Variants in AVPR1B observed in about 807,000 individuals in gnomAD.
AVPR1B encodes arginine vasopressin receptor 1B.
A neutral mutation model predicts 27.5 loss-of-function variants in AVPR1B; 25 were observed. The ratio of observed to expected loss-of-function variants is 0.91; its 90% confidence interval spans 0.66 to 1.27. The LOEUF is 1.27. Ranked by LOEUF, AVPR1B falls within the 50% of genes most tolerant of loss-of-function variation. The probability of loss-of-function intolerance (pLI) is 0.00; values close to 1 mark genes in which losing one functional copy is unlikely to be tolerated. For synonymous variants in AVPR1B, 248 were observed against 240.2 expected (o/e 1.03, Z -0.30); for missense variants, 595 against 556.9 (o/e 1.07, Z -0.69).
rs782749281 is a variant in AVPR1B, at chr1:206,116,675, G to A, written c.216C>T (p.Phe72=). The A allele has an allele frequency of 1.9e-6, 3 of 1,610,448 alleles. No individual in the cohort carries two copies. Among genetic ancestry groups the A allele is most frequent in the Non-Finnish European group, 2.5e-6 (3 of 1,178,174 alleles). The change falls in exon 1 of 2, where the codon TTC becomes TTT. Residue 72 remains phenylalanine, a synonymous_variant. Coordinates refer to ENST00000367126, the MANE Select transcript of AVPR1B (RefSeq NM_000707.5). The part of the protein sequence containing the change: ...LGRKRSRMHL[F]VLHLALTDLA... The stretch of plus-strand genomic sequence containing the variant: ...GGTCTGTCAGGGCTAAGTGCAGCAC[G>A]AACAGGTGCATGCGGGAGCGCTTGC...
At position 206,116,150 on chromosome 1, in the gene AVPR1B, C is replaced by A. The variant is rs782319213; in HGVS notation, c.741G>T (p.Trp247Cys). The A allele has an allele frequency of 6.2e-7, 1 of 1,613,986 alleles. No individual in the cohort carries two copies. The highest frequency in any genetic ancestry group is 1.1e-5 in the South Asian group (1 of 91,080). ...WRVGGGGWRT[W>C]DRPSPSTLAA... is the part of the protein sequence containing the mutation. ...CTAAGGTGGAAGGTGAGGGCCTGTC[C>A]CAAGTCCTCCAGCCCCCTCCTCCCA... The change falls in exon 1 of 2, where the codon TGG becomes TGT. Residue 247 changes from tryptophan to cysteine, a missense_variant. Physicochemically the swap from Trp to Cys is radical, Grantham distance 215 (BLOSUM62 -2). Coordinates refer to ENST00000367126, the MANE Select transcript of AVPR1B (RefSeq NM_000707.5).
rs781861331 is a variant in AVPR1B at position 206,110,318 on chromosome 1, G to A, written c.1146C>T (p.Arg382=). 33 of 1,613,354 alleles carry A rather than the reference G, an allele frequency of 2.0e-5. No individual in the cohort carries two copies. Among genetic ancestry groups the A allele is most frequent in the South Asian group, 5.5e-5 (5 of 91,046 alleles). ...LSSRHTTLLT[R]SSCPATLSLS... Reference sequence around the variant, plus strand: ...GGCTGAGGGTGGCCGGGCAGCTGGAGCGGGTCAGCAGCGTGGTGTGGCGGC... The same window carrying A: ...GGCTGAGGGTGGCCGGGCAGCTGGAACGGGTCAGCAGCGTGGTGTGGCGGC... The change falls in exon 2 of 2, where the codon CGC becomes CGT. Residue 382 remains arginine (R), a synonymous_variant. Coordinates refer to ENST00000367126, the MANE Select transcript of AVPR1B (RefSeq NM_000707.5).
At chr1:206,110,897 A>G (rs1472593478) in intron 1 of AVPR1B, among the ~76,000 whole-genome samples, 1 of 152,242 alleles carries the variant, frequency 6.6e-6, no homozygotes, top group African/African-American at 2.4e-5. Context: ...CTGTAGACCT[A>G]GAATGAGACA....
intron 1 of AVPR1B, among the ~76,000 whole-genome samples, chr1:206,115,328 G>T (rs1295201836): frequency 1.3e-5 from 2 of 152,162 alleles, no homozygotes; most frequent in Admixed American, 1.3e-4. Flanking sequence ...CTCCGAGAGT[G>T]TTACTGTGCT....
In AVPR1B at chr1:206,110,180, G is replaced by C. The variant is rs33976516; in HGVS notation, c.*9C>G. 0.039 allele frequency: 61,549 copies of C among 1,598,026 alleles called. 1,765 individuals carry two copies. The highest frequency in any genetic ancestry group is 0.13 in the African/African-American group (9,623 of 74,628). On this transcript the variant is annotated 3_prime_UTR_variant, in exon 2 of 2. Coordinates refer to ENST00000367126, the MANE Select transcript of AVPR1B (RefSeq NM_000707.5). ...CCTGGGGGCAGTACCAGACCCCAGC[G>C]AGTCTTTCCTAAAAGATGATGGTCT...
Position 206,116,365 on chromosome 1 carries a change from C to G in AVPR1B, c.526G>C (p.Glu176Gln), listed in dbSNP as rs782568048. ...AGCACCCCTGAGCCCTGGATCACCT[C>G]CCGCAGGGAAAAAATGAAGACTTGA... ...LPQVFIFSLR[E>Q]VIQGSGVLDC... The change falls in exon 1 of 2, where the codon GAG becomes CAG. Residue 176 changes from glutamate (E) to glutamine (Q), a missense_variant. Transcript: ENST00000367126. 4 of 1,613,644 alleles carry G rather than the reference C, an allele frequency of 2.5e-6. No homozygotes were observed. In the South Asian group the frequency reaches 4.4e-5, roughly 18 times the overall value.
intron 1 of AVPR1B, among the ~76,000 whole-genome samples, chr1:206,112,991 C>A (rs950015727): frequency 6.6e-6 from 1 of 152,128 alleles, no homozygotes; most frequent in African/African-American, 2.4e-5. Context: ...CTACAAGTTG[C>A]GGAAGATTTG....
chr1:206,111,334 C>G lies in AVPR1B; in HGVS notation c.941-811G>C, dbSNP rs1250317846. Among the ~76,000 whole-genome samples, 61 of 152,230 alleles carry G rather than the reference C, an allele frequency of 4.0e-4. 1 individual carries two copies. Among genetic ancestry groups the G allele is most frequent in the Non-Finnish European group, 1.5e-5 (1 of 68,040 alleles). ...GGATGCCAAGGCTATAAGATTCCTTCCAGACAAAATATTCTTTCTAAAGAC... is the reference window on the plus strand; with the variant it reads ...GGATGCCAAGGCTATAAGATTCCTTGCAGACAAAATATTCTTTCTAAAGAC... On this transcript the variant is annotated intron_variant, in intron 1 of 1. Coordinates refer to ENST00000367126, the MANE Select transcript of AVPR1B (RefSeq NM_000707.5).
chr1:206,114,113 G>A (rs1261525400), intron 1 of AVPR1B, among the ~76,000 whole-genome samples: 1 of 152,176 alleles, frequency 6.6e-6, no homozygotes, highest in African/African-American at 2.4e-5. Flanking sequence ...TTAAATTCAT[G>A]AATGGCTCTC....
Position 206,107,735 on chromosome 1 carries a change from C to T in AVPR1B, c.*2454G>A, listed in dbSNP as rs1663302826. Among the ~76,000 whole-genome samples the T allele has an allele frequency of 6.6e-6, 1 of 152,196 alleles. No homozygotes were observed. The highest frequency in any genetic ancestry group is 2.1e-4 in the South Asian group (1 of 4,834). On this transcript the variant is annotated 3_prime_UTR_variant, in exon 2 of 2. Transcript: ENST00000367126. ...AGAAAGTGCTTTAGTCAGCCTTGAT[C>T]CCAGGTCTGTCTCCTCTTTTCCTCT...
chr1:206,110,575 G>A (rs564037514), intron 1 of AVPR1B, 52 bp from the exon 2 acceptor site: 3 of 1,487,582 alleles, frequency 2.0e-6, no homozygotes, highest in South Asian at 2.6e-5. Flanking sequence ...GAAGGGACCT[G>A]GGAGAGCGTC....
At position 206,110,373 on chromosome 1, in the gene AVPR1B, C is replaced by A. The variant is rs28632197; in HGVS notation, c.1091G>T (p.Arg364Leu). 6.2e-7 allele frequency: 1 copy of A among 1,609,876 alleles called. No individual in the cohort carries two copies. The highest frequency in any genetic ancestry group is 8.5e-7 in the Non-Finnish European group (1 of 1,178,362). Reference protein sequence around the residue: ...ACCGGPQPRMRRRLSDGSLSS... With the variant: ...ACCGGPQPRMLRRLSDGSLSS... ...GAGGCTGCCGTCGGAGAGCCGCCGG[C>A]GCATCCTGGGCTGGGGACCCCCACA... The change falls in exon 2 of 2, where the codon CGC becomes CTC. Residue 364 changes from arginine to leucine, a missense_variant. Arg to Leu is a moderately radical substitution (Grantham distance 102). Transcript: ENST00000367126.
chr1:206,116,927 G>C lies in AVPR1B; in HGVS notation c.-37C>G. 18 of 1,553,122 alleles carry C rather than the reference G, an allele frequency of 1.2e-5. No homozygotes were observed. Among genetic ancestry groups the C allele is most frequent in the Non-Finnish European group, 1.5e-5 (17 of 1,140,716 alleles). On this transcript the variant is annotated 5_prime_UTR_variant, in exon 1 of 2. Transcript: ENST00000367126. ...GCTGGGAGGGAAGGATGAAGGGAGG[G>C]TGTGGATGCAAGTGGAGAGGTTTGA...
chr1:206,115,322 G>C (rs1293125495), intron 1 of AVPR1B, among the ~76,000 whole-genome samples: 1 of 152,044 alleles, frequency 6.6e-6, no homozygotes. Context: ...TCCCCTCTCC[G>C]AGAGTGTTAC....
Position 206,116,814 on chromosome 1 carries a change from C to A in AVPR1B, c.77G>T (p.Trp26Leu). The A allele has an allele frequency of 6.2e-7, 1 of 1,614,050 alleles. No homozygotes were observed. The highest frequency in any genetic ancestry group is 8.5e-7 in the Non-Finnish European group (1 of 1,179,992). Residue 26 changes from tryptophan (W) to leucine (L), a missense_variant, in exon 1 of 2, where the codon TGG becomes TTG. Physicochemically the swap from Trp to Leu is moderately conservative, Grantham distance 61. Coordinates refer to ENST00000367126, the MANE Select transcript of AVPR1B (RefSeq NM_000707.5). ...GGCCAGCTCCTCATCCCGGCCCAGC[C>A]AGGGTGTTGTGGCATTGGGGGCAGA... is the stretch of plus-strand genomic sequence containing the variant. ...TLSAPNATTPWLGRDEELAKV... is the reference protein window; with the variant it reads ...TLSAPNATTPLLGRDEELAKV...
At position 206,117,198 on chromosome 1, in the gene AVPR1B, G is replaced by C. The variant is rs1206444882; in HGVS notation, c.-308C>G. Reference sequence around the variant, plus strand: ...TGTGCAGAGTGAGGCTTCTGGGAGGGAAAGAAGGCTGGGGAGGGGCTACCA... The same window carrying C: ...TGTGCAGAGTGAGGCTTCTGGGAGGCAAAGAAGGCTGGGGAGGGGCTACCA... On this transcript the variant is annotated 5_prime_UTR_variant, in exon 1 of 2. Coordinates refer to ENST00000367126, the MANE Select transcript of AVPR1B (RefSeq NM_000707.5). The C allele has an allele frequency of 5.8e-6, 2 of 343,652 alleles. No individual in the cohort carries two copies. Among genetic ancestry groups the C allele is most frequent in the Non-Finnish European group, 1.1e-5 (2 of 189,056 alleles). 21.3% of individuals were successfully genotyped at this position (343,652 alleles called of 1,614,324 possible).
intron 1 of AVPR1B, among the ~76,000 whole-genome samples, chr1:206,111,037 C>T (rs1322582335): frequency 6.6e-6 from 1 of 152,156 alleles, no homozygotes; most frequent in Non-Finnish European, 1.5e-5. Context: ...AGGGGCAGGC[C>T]CACTCATTCT....
rs868911397 is a variant in AVPR1B at position 206,108,757 on chromosome 1, A to G, written c.*1432T>C. On this transcript the variant is annotated 3_prime_UTR_variant, in exon 2 of 2. Transcript: ENST00000367126. ...TTCCACCAGCAAGGCTCTCTCTTCAATTGGAATCAGAATTGGGTTGGGGAA... is the reference window on the plus strand; with the variant it reads ...TTCCACCAGCAAGGCTCTCTCTTCAGTTGGAATCAGAATTGGGTTGGGGAA... 1.8e-4 allele frequency among the ~76,000 whole-genome samples: 27 copies of G among 152,224 alleles called. No homozygotes were observed. Among genetic ancestry groups the G allele is most frequent in the African/African-American group, 4.8e-4 (20 of 41,454 alleles).
Position 206,117,012 on chromosome 1 carries a change from G to T in AVPR1B, c.-122C>A. ...AAGGAGAAGCGTTGAGAATGACAGG[G>T]AGAAGGCTTGCAAATAGGCGGAAAT... is the stretch of plus-strand genomic sequence containing the variant. On this transcript the variant is annotated 5_prime_UTR_variant, in exon 1 of 2. Transcript: ENST00000367126. 1.1e-6 allele frequency: 1 copy of T among 937,850 alleles called. No individual in the cohort carries two copies. Among genetic ancestry groups the T allele is most frequent in the Non-Finnish European group, 1.7e-6 (1 of 605,430 alleles). 58.1% of individuals were successfully genotyped at this position (937,850 alleles called of 1,614,324 possible).
Sources: allele counts gnomAD v4.1 joint callset (sites outside exome capture counted in the v4.1 genomes callset), GRCh38; gene constraint gnomAD v4.1.1; transcripts MANE v1.5; gene names NCBI Gene and HGNC (gene_info 2026-07-23, HGNC 2026-07-21).